The following PRKAR1B variants were observed in gnomAD, a reference collection of about 807,000 sequenced individuals.
The protein encoded by PRKAR1B is cAMP-dependent protein kinase type I-beta regulatory subunit.
A neutral mutation model predicts 46.5 loss-of-function variants in PRKAR1B; 22 were observed. The observed-to-expected ratio is 0.47, with a 90% CI of 0.34 to 0.68. PRKAR1B has a LOEUF of 0.68. Ranked by LOEUF, PRKAR1B falls within the 30% of genes least tolerant of loss-of-function variation. PRKAR1B has a pLI of 0.01. For missense variants in PRKAR1B, 445 were observed against 535.6 expected, an observed-to-expected ratio of 0.83 and a Z score of 1.67; for synonymous variants, 259 against 217.7, an observed-to-expected ratio of 1.19 and a Z score of -1.67.
intron 4 of PRKAR1B, among the ~76,000 whole-genome samples, chr7:657,657 G>A (rs913600833): frequency 2.0e-5 from 3 of 152,172 alleles, no homozygotes; most frequent in African/African-American, 7.2e-5. Flanking sequence ...GCAGCCGACA[G>A]GACACCCTGT....
intron 4 of PRKAR1B, among the ~76,000 whole-genome samples, chr7:632,622 T>C (rs1783820468): frequency 6.6e-6 from 1 of 152,228 alleles, no homozygotes; most frequent in Non-Finnish European, 1.5e-5. Flanking sequence ...TTCAGGACAC[T>C]GCGGCCCTCA....
intron 9 of PRKAR1B, among the ~76,000 whole-genome samples, chr7:553,871 G>A (rs149396984): frequency 0.015 from 2,302 of 152,374 alleles, 50 homozygotes; most frequent in African/African-American, 0.052. Flanking sequence ...TCGGCTCCCA[G>A]GCCTCTGCCG....
Position 570,938 on chromosome 7 carries a change from T to A in PRKAR1B, c.891+8318A>T, listed in dbSNP as rs944542844. ...GCTTCACGTCTCTTCCAAGCCCTCA[T>A]GTCCTTCCAAAGCATCTCACGCCCC... On this transcript the variant is annotated intron_variant, in intron 9 of 10. Transcript: ENST00000537384. Among the ~76,000 whole-genome samples, 10 of 151,962 alleles carry A rather than the reference T, an allele frequency of 6.6e-5. No individual in the cohort carries two copies. In the South Asian group the frequency reaches 1.0e-3, roughly 16 times the overall value.
At chr7:604,552 G>C (rs538901830) in intron 6 of PRKAR1B, among the ~76,000 whole-genome samples, 1 of 152,208 alleles carries the variant, frequency 6.6e-6, no homozygotes, top group Non-Finnish European at 1.5e-5. Context: ...CTCCGCCTGC[G>C]CGGGCCAGGC....
chr7:650,921 C>T (rs561526481), intron 4 of PRKAR1B, among the ~76,000 whole-genome samples: 3 of 152,244 alleles, frequency 2.0e-5, no homozygotes, highest in South Asian at 2.1e-4. Context: ...CCTGGCTCAC[C>T]GGCCACCGAG....
Position 680,731 on chromosome 7 carries a change from G to A in PRKAR1B, c.178-5C>T, listed in dbSNP as rs1405792464. 8 of 1,613,740 alleles carry A rather than the reference G, an allele frequency of 5.0e-6. No homozygotes were observed. The highest frequency in any genetic ancestry group is 2.7e-5 in the African/African-American group (2 of 74,890). ...CAAAATCTGCCTGTTTTCTTCCTGT[G>A]TGGGAGAGGAAAACACAGAAAGGAA... On this transcript the variant is annotated splice_region_variant and splice_polypyrimidine_tract_variant and intron_variant, in intron 2 of 10. Coordinates refer to ENST00000537384, the MANE Select transcript of PRKAR1B (RefSeq NM_001164760.2).
In PRKAR1B at chr7:632,661, G is replaced by T. The variant is rs528519925; in HGVS notation, c.441-25209C>A. Among the ~76,000 whole-genome samples the T allele has an allele frequency of 3.9e-5, 6 of 152,340 alleles. No individual in the cohort carries two copies. The East Asian group carries it at 1.2e-3, about 29-fold the overall frequency. On this transcript the variant is annotated intron_variant, in intron 4 of 10. Coordinates refer to ENST00000537384, the MANE Select transcript of PRKAR1B (RefSeq NM_001164760.2). ...TGCTGCTGCGTGTCTGCTCTGCAGG[G>T]CACAGGGCGAGGCTGAGCTCACTCC... is the stretch of plus-strand genomic sequence containing the variant.
chr7:702,912 A>G (rs558714527), intron 2 of PRKAR1B, among the ~76,000 whole-genome samples: 1 of 151,914 alleles, frequency 6.6e-6, no homozygotes, highest in African/African-American at 2.4e-5. Flanking sequence ...TATGTACTAC[A>G]TATATAGTAA....
chr7:631,883 G>A (rs1783766824), intron 4 of PRKAR1B, among the ~76,000 whole-genome samples: 1 of 152,120 alleles, frequency 6.6e-6, no homozygotes, highest in Non-Finnish European at 1.5e-5. Flanking sequence ...CTTGAGCCCA[G>A]GAGATTGAGG....
At chr7:581,265 T>C (rs1780167740) in intron 8 of PRKAR1B, among the ~76,000 whole-genome samples, 1 of 143,772 alleles carries the variant, frequency 7.0e-6, no homozygotes, top group African/African-American at 2.6e-5. Context: ...ATAGCACCAC[T>C]GACCTCCAGC....
chr7:709,505 G>A (rs140156868), intron 2 of PRKAR1B, among the ~76,000 whole-genome samples: 2,537 of 151,988 alleles, frequency 0.017, 55 homozygotes, highest in African/African-American at 0.047. Flanking sequence ...TGAGTAGCTG[G>A]GACTACAGGC....
chr7:567,484 TCATCAC>T (rs1176206890), intron 9 of PRKAR1B, among the ~76,000 whole-genome samples: 265 of 123,292 alleles, frequency 2.1e-3, no homozygotes, highest in African/African-American at 4.8e-3. Flanking sequence ...ACCATCACCT[TCATCAC>T]CATCACCATC....
chr7:580,955 G>A (rs370741849), intron 8 of PRKAR1B, among the ~76,000 whole-genome samples: 3 of 152,146 alleles, frequency 2.0e-5, no homozygotes, highest in Non-Finnish European at 4.4e-5. Context: ...CTGCAGCATA[G>A]GGAAGGGGGG....
At chr7:567,660 G>A (rs537741475) in intron 9 of PRKAR1B, among the ~76,000 whole-genome samples, 3 of 152,314 alleles carry the variant, frequency 2.0e-5, no homozygotes, top group East Asian at 3.9e-4. Flanking sequence ...CACAATGTGG[G>A]CCACTCAAAC....
chr7:709,371 CTTTT>C (rs71016898), intron 2 of PRKAR1B, among the ~76,000 whole-genome samples: 1 of 95,644 alleles, frequency 1.0e-5, no homozygotes. Flanking sequence ...GTATGTATTT[CTTTT>C]TTTTTTTTTT....
At chr7:665,841 A>G (rs546929047) in intron 4 of PRKAR1B, among the ~76,000 whole-genome samples, 64 of 152,328 alleles carry the variant, frequency 4.2e-4, no homozygotes, top group African/African-American at 1.5e-3. Flanking sequence ...GATCCGAGCC[A>G]GTTTGTGGAA....
chr7:715,750 C>T (rs1188934017), intron 1 of PRKAR1B, among the ~76,000 whole-genome samples: 3 of 151,858 alleles, frequency 2.0e-5, no homozygotes, highest in African/African-American at 7.3e-5. Context: ...GAGTCTCATT[C>T]TGTCACCCAG....
chr7:674,286 C>T (rs1786457604), intron 4 of PRKAR1B, among the ~76,000 whole-genome samples: 1 of 151,144 alleles, frequency 6.6e-6, no homozygotes, highest in Non-Finnish European at 1.5e-5. Flanking sequence ...TAGTCACATC[C>T]AGCTACTCTA....
At chr7:557,213 C>G (rs1242021076) in intron 9 of PRKAR1B, among the ~76,000 whole-genome samples, 1 of 152,206 alleles carries the variant, frequency 6.6e-6, no homozygotes, top group Non-Finnish European at 1.5e-5. Context: ...AGGCAGGACC[C>G]TCAGAGCCCA....
Sources: gnomAD v4.1 joint callset for allele counts (sites outside exome capture counted in the v4.1 genomes callset) on GRCh38, gnomAD v4.1.1 for gene constraint, MANE v1.5 for transcripts, NCBI Gene and HGNC (gene_info 2026-07-23, HGNC 2026-07-21) for gene names.